The following GATAD2A variants were observed in gnomAD, a reference collection of about 807,000 sequenced individuals.
GATAD2A encodes transcriptional repressor p66-alpha.
In GATAD2A, 12 loss-of-function variants were observed where a neutral mutation model predicts 68.5. That is an observed-to-expected ratio of 0.18 (90% CI 0.11 to 0.28). The LOEUF is 0.28. GATAD2A is among the 10% of genes least tolerant of loss of function. The pLI, the probability that GATAD2A is intolerant of heterozygous loss-of-function variation, is 1.00. For synonymous variants in GATAD2A, 410 were observed against 375.3 expected (o/e 1.09, Z -1.07); for missense variants, 755 against 868.5 (o/e 0.87, Z 1.64).
chr19:19,421,902 A>C (rs560775779), intron 1 of GATAD2A, among the ~76,000 whole-genome samples: 1 of 150,662 alleles, frequency 6.6e-6, no homozygotes, highest in Admixed American at 6.6e-5. Context: ...GCTCACTGCA[A>C]CCTCCACCCC....
At chr19:19,457,172 G>A (rs2057010158) in intron 1 of GATAD2A, 2 of 984,814 alleles carry the variant, frequency 2.0e-6, no homozygotes, top group South Asian at 4.7e-5. Flanking sequence ...GCAGAAGTGG[G>A]GCCACTTCAG....
At chr19:19,453,507 C>T (rs1174900261) in intron 1 of GATAD2A, among the ~76,000 whole-genome samples, 2 of 151,992 alleles carry the variant, frequency 1.3e-5, no homozygotes, top group African/African-American at 4.8e-5. Flanking sequence ...GTCCGCTGTG[C>T]CCCCCACATA....
intron 1 of GATAD2A, among the ~76,000 whole-genome samples, chr19:19,414,762 T>G (rs1308213559): frequency 4.0e-5 from 6 of 150,050 alleles, no homozygotes; most frequent in Non-Finnish European, 8.9e-5. Flanking sequence ...CTTGAACTCC[T>G]GGCCTCAAGT....
At chr19:19,456,968 A>C (rs144826518) in intron 1 of GATAD2A, 53 of 359,896 alleles carry the variant, frequency 1.5e-4, no homozygotes, top group African/African-American at 9.7e-4. Flanking sequence ...TTTTGCACTT[A>C]AAAATTAGAA....
At chr19:19,425,182 A>G (rs2052929707) in intron 1 of GATAD2A, among the ~76,000 whole-genome samples, 1 of 152,116 alleles carries the variant, frequency 6.6e-6, no homozygotes, top group South Asian at 2.1e-4. Context: ...AGGTAATACA[A>G]TTAGTTGAAA....
chr19:19,409,801 C>T (rs1035339043), intron 1 of GATAD2A, among the ~76,000 whole-genome samples: 4 of 152,188 alleles, frequency 2.6e-5, no homozygotes, highest in South Asian at 2.1e-4. Flanking sequence ...CCAGCATCCC[C>T]GCAAACAGGA....
intron 2 of GATAD2A, among the ~76,000 whole-genome samples, chr19:19,466,115 C>T (rs1413273950): frequency 6.6e-6 from 1 of 152,254 alleles, no homozygotes; most frequent in East Asian, 1.9e-4. Context: ...TCACTTGGTG[C>T]TGGTCTTTGG....
chr19:19,433,690 A>C (rs968478235), intron 1 of GATAD2A, among the ~76,000 whole-genome samples: 1 of 152,222 alleles, frequency 6.6e-6, no homozygotes, highest in African/African-American at 2.4e-5. Flanking sequence ...ATGTTCAGAG[A>C]GTGTATAACA....
intron 2 of GATAD2A, among the ~76,000 whole-genome samples, chr19:19,485,831 T>A (rs958167459): frequency 5.9e-5 from 9 of 152,200 alleles, no homozygotes; most frequent in African/African-American, 1.9e-4. Context: ...CTTCTTCATA[T>A]CCACAAAAGC....
intron 1 of GATAD2A, chr19:19,465,060 C>T (rs1025698525): frequency 3.8e-6 from 2 of 532,636 alleles, no homozygotes; most frequent in South Asian, 4.3e-5. Flanking sequence ...CTGTTCAGCA[C>T]CCTGCTGCCT....
At chr19:19,416,017 G>A (rs981513722) in intron 1 of GATAD2A, among the ~76,000 whole-genome samples, 1 of 152,054 alleles carries the variant, frequency 6.6e-6, no homozygotes, top group African/African-American at 2.4e-5. Flanking sequence ...GAGTGCAGAG[G>A]CTCATGATCA....
intron 2 of GATAD2A, chr19:19,473,943 C>G: frequency 1.6e-6 from 1 of 643,460 alleles, no homozygotes; most frequent in Non-Finnish European, 1.9e-6. Flanking sequence ...GAGACTCCGT[C>G]TCAAAAAAAC....
At chr19:19,401,050 G>A (rs2049680372), upstream of GATAD2A, among the ~76,000 whole-genome samples, 1 of 145,452 alleles carries the variant, frequency 6.9e-6, no homozygotes, top group Non-Finnish European at 1.5e-5. Context: ...TGCGGCACAA[G>A]AATCGCTTGA....
At chr19:19,451,069 C>T (rs970117244) in intron 1 of GATAD2A, among the ~76,000 whole-genome samples, 4 of 151,988 alleles carry the variant, frequency 2.6e-5, no homozygotes, top group Non-Finnish European at 4.4e-5. Flanking sequence ...CGCACCCGGC[C>T]GAGATTCAAA....
intron 9 of GATAD2A, 81 bp downstream of exon 9, chr19:19,501,497 C>A: frequency 9.1e-7 from 1 of 1,094,030 alleles, no homozygotes; most frequent in Non-Finnish European, 1.3e-6. Context: ...TGCGCTGCAC[C>A]GCCTGATTGT....
chr19:19,400,325 C>T (rs2049615268), intron 1 of GATAD2A, among the ~76,000 whole-genome samples: 1 of 152,148 alleles, frequency 6.6e-6, no homozygotes, highest in Non-Finnish European at 1.5e-5. Flanking sequence ...CTGAACCCTG[C>T]GCTGCAGAAA....
At chr19:19,463,934 G>T (rs1383088645) in intron 1 of GATAD2A, among the ~76,000 whole-genome samples, 1 of 152,230 alleles carries the variant, frequency 6.6e-6, no homozygotes. Context: ...GCACATTTGG[G>T]CAGGGCCTTG....
chr19:19,402,426 C>A (rs531745964), upstream of GATAD2A: 1 of 150,484 alleles, frequency 6.6e-6, no homozygotes, highest in African/African-American at 2.4e-5. Flanking sequence ...CAGTGGCTCA[C>A]GCCTGTAATC....
intron 2 of GATAD2A, among the ~76,000 whole-genome samples, chr19:19,469,255 C>T (rs1378151537): frequency 6.6e-6 from 1 of 151,852 alleles, no homozygotes; most frequent in Non-Finnish European, 1.5e-5. Context: ...CGCAGTGAAA[C>T]CCCGTCTCTA....
Sources: allele counts gnomAD v4.1 joint callset (sites outside exome capture counted in the v4.1 genomes callset), GRCh38; gene constraint gnomAD v4.1.1; transcripts MANE v1.5; gene names NCBI Gene and HGNC (gene_info 2026-07-23, HGNC 2026-07-21).